Variants in GFOD1 observed in about 807,000 individuals in gnomAD.
GFOD1 encodes the protein Gfo/Idh/MocA-like oxidoreductase domain containing 1.
A neutral mutation model predicts 25.4 loss-of-function variants in GFOD1; 9 were observed. That is an observed-to-expected ratio of 0.35 (90% confidence interval 0.21 to 0.62). GFOD1 has a LOEUF of 0.62. GFOD1 is among the 20% of genes least tolerant of loss of function. The probability of loss-of-function intolerance (pLI) is 0.72; values close to 1 mark genes in which losing one functional copy is unlikely to be tolerated. For missense variants in GFOD1, 403 were observed against 556.9 expected (o/e 0.72, Z 2.78); for synonymous variants, 253 against 245.6 (o/e 1.03, Z -0.28).
intron 1 of GFOD1, among the ~76,000 whole-genome samples, chr6:13,423,573 C>T (rs1284552655): frequency 6.6e-6 from 1 of 152,210 alleles, no homozygotes; most frequent in Admixed American, 6.5e-5. Context: ...ATGAGTGTCG[C>T]AGGTTGCCCT....
rs558999474 is a variant in GFOD1 at position 13,484,375 on chromosome 6, T to A, written c.253+2263A>T. Among the ~76,000 whole-genome samples the A allele has an allele frequency of 3.0e-4, 46 of 152,342 alleles. 1 individual carries two copies. The highest frequency in any genetic ancestry group is 1.1e-3 in the African/African-American group (45 of 41,582). On this transcript the variant is annotated intron_variant, in intron 1 of 1. Transcript: ENST00000379287. ...CCAACAGCCAGATCAGCCTGATAAC[T>A]GTTTGGGGTTTTTCACTTCCTACGT...
chr6:13,364,271 C>G lies in GFOD1; in HGVS notation c.*472G>C, dbSNP rs190603136. On this transcript the variant is annotated 3_prime_UTR_variant, in exon 2 of 2. Coordinates refer to ENST00000379287, the MANE Select transcript of GFOD1 (RefSeq NM_018988.4). This position sits in a 1 kb window ranked among gnomAD's most constrained non-coding sequence, Gnocchi z 4.1. ...TCCCACCCCCAACCCCAGCCTAACA[C>G]GCTTCTGTGGACTGTGAAAATGGGC... 1.9e-5 allele frequency: 3 copies of G among 160,134 alleles called. No homozygotes were observed. Among genetic ancestry groups the G allele is most frequent in the Non-Finnish European group, 4.1e-5 (3 of 73,024 alleles). The allele number at this position is 160,134 out of a possible 1,614,324, so 9.9% of individuals were successfully genotyped here.
intron 1 of GFOD1, among the ~76,000 whole-genome samples, chr6:13,472,758 G>C (rs1758536924): frequency 6.6e-6 from 1 of 152,222 alleles, no homozygotes; most frequent in Admixed American, 6.5e-5. Flanking sequence ...CATCAAATTA[G>C]CCAAGGAACT....
In GFOD1 at chr6:13,364,502, G is replaced by A. The variant is rs1785000671; in HGVS notation, c.*241C>T. On this transcript the variant is annotated 3_prime_UTR_variant, in exon 2 of 2. Transcript: ENST00000379287. This position sits in a 1 kb window ranked among gnomAD's most constrained non-coding sequence, Gnocchi z 4.1. The stretch of plus-strand genomic sequence containing the variant: ...CACTCTCGTGCAAATACCCAGCAGG[G>A]ATCATCCCAGGAATGGCAGGCTCTC... 4 of 555,398 alleles carry A rather than the reference G, an allele frequency of 7.2e-6. No homozygotes were observed. Among genetic ancestry groups the A allele is most frequent in the Non-Finnish European group, 1.3e-5 (4 of 310,894 alleles). 34.4% of individuals were successfully genotyped at this position (555,398 alleles called of 1,614,324 possible).
In GFOD1 at chr6:13,428,550, C is replaced by T. The variant is rs115670467; in HGVS notation, c.253+58088G>A. Reference sequence around the variant, plus strand: ...CTTTTCATTTCCACTCCCTTTCACACCCAGCACATTAAAGGCCGCTGCAAG... The same window carrying T: ...CTTTTCATTTCCACTCCCTTTCACATCCAGCACATTAAAGGCCGCTGCAAG... On this transcript the variant is annotated intron_variant, in intron 1 of 1. Transcript: ENST00000379287. Among the ~76,000 whole-genome samples, 1,069 of 152,292 alleles carry T rather than the reference C, an allele frequency of 7.0e-3. 10 individuals carry two copies. The highest frequency in any genetic ancestry group is 9.2e-3 in the Non-Finnish European group (629 of 68,032).
intron 1 of GFOD1, among the ~76,000 whole-genome samples, chr6:13,466,439 C>T (rs554821497): frequency 5.9e-5 from 9 of 152,140 alleles, no homozygotes; most frequent in Non-Finnish European, 1.2e-4. Context: ...ATGTCACATC[C>T]TCTACCTTTG....
chr6:13,422,654 A>G (rs959318729), intron 1 of GFOD1, among the ~76,000 whole-genome samples: 1 of 152,240 alleles, frequency 6.6e-6, no homozygotes, highest in African/African-American at 2.4e-5. Context: ...AAGGAATGAA[A>G]AAAGAAACCC....
intron 1 of GFOD1, among the ~76,000 whole-genome samples, chr6:13,476,983 A>C (rs1463733523): frequency 1.3e-5 from 2 of 152,168 alleles, no homozygotes; most frequent in African/African-American, 2.4e-5. Flanking sequence ...TCCTTAGCTC[A>C]AGTCTGAACC....
chr6:13,420,987 C>G (rs1176114167), intron 1 of GFOD1, among the ~76,000 whole-genome samples: 1 of 152,114 alleles, frequency 6.6e-6, no homozygotes, highest in Non-Finnish European at 1.5e-5. Context: ...GGGGGAGCCA[C>G]GAACCACCTA....
chr6:13,364,454 C>CA lies in GFOD1; in HGVS notation c.*288dup, dbSNP rs1274962249. The CA allele has an allele frequency of 1.2e-5, 5 of 426,106 alleles. No homozygotes were observed. The highest frequency in any genetic ancestry group is 2.0e-5 in the African/African-American group (1 of 50,716). 26.4% of individuals were successfully genotyped at this position (426,106 alleles called of 1,614,324 possible). On this transcript the variant is annotated 3_prime_UTR_variant, in exon 2 of 2. Coordinates refer to ENST00000379287, the MANE Select transcript of GFOD1 (RefSeq NM_018988.4). The surrounding 1 kb of genome is among the most constrained non-coding windows in gnomAD (Gnocchi z 4.1). Reference sequence around the variant, plus strand: ...CCTCCTTGCTTGTCACAGTAAAGGGCAGCAGAGGCAGCTAAACCAAACCAC... The same window carrying CA: ...CCTCCTTGCTTGTCACAGTAAAGGGCAAGCAGAGGCAGCTAAACCAAACCAC...
At position 13,445,533 on chromosome 6, in the gene GFOD1, T is replaced by C. The variant is rs996322107; in HGVS notation, c.253+41105A>G. On this transcript the variant is annotated intron_variant, in intron 1 of 1. Coordinates refer to ENST00000379287, the MANE Select transcript of GFOD1 (RefSeq NM_018988.4). ...GCCAAGGACAAACAGATCTCGTCAT[T>C]TGGCAATGCCTGGCTTCTTTCCCCT... 4.6e-5 allele frequency among the ~76,000 whole-genome samples: 7 copies of C among 152,188 alleles called. No homozygotes were observed. In the South Asian group the frequency reaches 1.2e-3, roughly 27 times the overall value.
chr6:13,442,173 A>T (rs566746358), intron 1 of GFOD1, among the ~76,000 whole-genome samples: 1 of 152,240 alleles, frequency 6.6e-6, no homozygotes, highest in African/African-American at 2.4e-5. Context: ...AGGATGCTGA[A>T]CATTGTATGT....
rs933684244 is a variant in GFOD1, at chr6:13,362,182, G to T, written c.*2561C>A. 6.6e-6 allele frequency: 1 copy of T among 152,158 alleles called. No individual in the cohort carries two copies. Among genetic ancestry groups the T allele is most frequent in the African/African-American group, 2.4e-5 (1 of 41,428 alleles). 9.4% of individuals were successfully genotyped at this position (152,158 alleles called of 1,614,324 possible). A position where few individuals can be genotyped will look rare whatever the true frequency, so the allele number is the denominator to read the frequency against. On this transcript the variant is annotated 3_prime_UTR_variant, in exon 2 of 2. Transcript: ENST00000379287. ...GAGCAATTTAGAAGAACCAGAATCAGCTGGGTGTGGTGGCTCACGCCTGCA... is the reference window on the plus strand; with the variant it reads ...GAGCAATTTAGAAGAACCAGAATCATCTGGGTGTGGTGGCTCACGCCTGCA...
chr6:13,450,841 G>A (rs1010342875), intron 1 of GFOD1, among the ~76,000 whole-genome samples: 1 of 152,302 alleles, frequency 6.6e-6, no homozygotes, highest in Middle Eastern at 3.4e-3. Flanking sequence ...GAAGGAAACT[G>A]TTTATCAGTT....
At chr6:13,379,607 CT>C (rs1335874821) in intron 1 of GFOD1, among the ~76,000 whole-genome samples, 3 of 152,186 alleles carry the variant, frequency 2.0e-5, no homozygotes, top group African/African-American at 7.2e-5. Context: ...GCTGCCAAGC[CT>C]TTCTTTGTTC....
At chr6:13,477,930 C>T (rs977860883) in intron 1 of GFOD1, among the ~76,000 whole-genome samples, 2 of 151,780 alleles carry the variant, frequency 1.3e-5, no homozygotes, top group Non-Finnish European at 2.9e-5. Context: ...CAGGCGTGGT[C>T]GCAAATGCCT....
chr6:13,425,174 G>A (rs889218488), intron 1 of GFOD1, among the ~76,000 whole-genome samples: 8 of 151,630 alleles, frequency 5.3e-5, no homozygotes, highest in Non-Finnish European at 7.4e-5. Context: ...TGCCCAGGCT[G>A]GTCTCAAACT....
At chr6:13,465,161 C>A (rs772726912) in intron 1 of GFOD1, among the ~76,000 whole-genome samples, 1 of 151,898 alleles carries the variant, frequency 6.6e-6, no homozygotes, top group African/African-American at 2.4e-5. Flanking sequence ...TTTGGCTTCC[C>A]TGGGCCACAT....
intron 1 of GFOD1, among the ~76,000 whole-genome samples, chr6:13,482,272 T>G (rs1438276286): frequency 2.0e-5 from 3 of 148,544 alleles, no homozygotes; most frequent in Non-Finnish European, 4.5e-5. Flanking sequence ...ATATTTATAT[T>G]GCTTAACATT....
Sources: allele counts gnomAD v4.1 joint callset (sites outside exome capture counted in the v4.1 genomes callset), GRCh38; gene constraint gnomAD v4.1.1; non-coding constraint Gnocchi (gnomAD v3.1); transcripts MANE v1.5; gene names NCBI Gene and HGNC (gene_info 2026-07-23, HGNC 2026-07-21).